Variants in MAGI2 observed in about 807,000 individuals in gnomAD.
MAGI2 encodes the protein membrane-associated guanylate kinase, WW and PDZ domain-containing protein 2.
In MAGI2, 35 loss-of-function variants were observed where a neutral mutation model predicts 133.3. That is an observed-to-expected ratio of 0.26 (90% CI 0.20 to 0.35). The LOEUF is 0.35. MAGI2 is among the 10% of genes least tolerant of loss of function. The pLI is 1.00. For synonymous variants in MAGI2, 729 were observed against 710.6 expected, an observed-to-expected ratio of 1.03 and a Z score of -0.41; for missense variants, 1,636 against 1,863.4, an observed-to-expected ratio of 0.88 and a Z score of 2.25.
intron 3 of MAGI2, among the ~76,000 whole-genome samples, chr7:78,611,300 T>G (rs1806414181): frequency 6.6e-6 from 1 of 152,222 alleles, no homozygotes. Context: ...TTCTTCTTTT[T>G]CCTTGTTTCA....
intron 2 of MAGI2, 34 bp downstream of exon 2, chr7:79,007,056 A>G (rs771353897): frequency 7.2e-7 from 1 of 1,388,818 alleles, no homozygotes; most frequent in Admixed American, 2.2e-5. Flanking sequence ...TTATCTCTCA[A>G]CATAAAAATA....
At chr7:79,265,910 T>C (rs553353953) in intron 1 of MAGI2, among the ~76,000 whole-genome samples, 1 of 152,316 alleles carries the variant, frequency 6.6e-6, no homozygotes, top group South Asian at 2.1e-4. Flanking sequence ...CAGTGTTTGT[T>C]TTCTATTTTG....
chr7:78,487,022 T>C (rs1016051639), intron 6 of MAGI2: 27 of 515,240 alleles, frequency 5.2e-5, no homozygotes, highest in Middle Eastern at 3.9e-4. Flanking sequence ...AAGAGAAATG[T>C]AACCAACGAA....
At chr7:78,896,063 T>C (rs1453592492) in intron 2 of MAGI2, among the ~76,000 whole-genome samples, 2 of 152,220 alleles carry the variant, frequency 1.3e-5, no homozygotes, top group African/African-American at 4.8e-5. Context: ...CAATAAGAAC[T>C]AACTTCTCAA....
At chr7:79,033,313 T>G (rs1318542228) in intron 1 of MAGI2, among the ~76,000 whole-genome samples, 1 of 152,206 alleles carries the variant, frequency 6.6e-6, no homozygotes, top group African/African-American at 2.4e-5. Flanking sequence ...TTTACACCAT[T>G]TGGTCACCTA....
At chr7:79,238,518 T>C (rs1430312814) in intron 1 of MAGI2, among the ~76,000 whole-genome samples, 1 of 152,106 alleles carries the variant, frequency 6.6e-6, no homozygotes, top group African/African-American at 2.4e-5. Context: ...AAGCATATCG[T>C]TTGGATAAAC....
At chr7:78,788,515 T>C (rs1827015439) in intron 2 of MAGI2, among the ~76,000 whole-genome samples, 1 of 152,150 alleles carries the variant, frequency 6.6e-6, no homozygotes, top group Admixed American at 6.5e-5. Flanking sequence ...TGACTGCCCT[T>C]TTTCTCTAAT....
intron 2 of MAGI2, among the ~76,000 whole-genome samples, chr7:78,633,838 G>A (rs2150971155): frequency 6.6e-6 from 1 of 151,766 alleles, no homozygotes; most frequent in Admixed American, 6.6e-5. Flanking sequence ...TATGATTCTA[G>A]ATAAAAACAG....
At chr7:79,103,371 C>A (rs2129543395) in intron 1 of MAGI2, among the ~76,000 whole-genome samples, 1 of 152,214 alleles carries the variant, frequency 6.6e-6, no homozygotes. Context: ...CCAGGGTAAT[C>A]CATACACTGG....
chr7:79,294,721 C>CTTTTTTTTTTTTTTTTT (rs1161010284), intron 1 of MAGI2, among the ~76,000 whole-genome samples: 3 of 83,168 alleles, frequency 3.6e-5, no homozygotes, highest in East Asian at 3.8e-4. Context: ...ATTTTGGTAG[C>CTTTTTTTTTTTTTTTTT]TTTTTTTTTT....
At chr7:78,899,966 AT>A (rs1391164485) in intron 2 of MAGI2, among the ~76,000 whole-genome samples, 3 of 152,328 alleles carry the variant, frequency 2.0e-5, no homozygotes, top group African/African-American at 7.2e-5. Context: ...ACCATTTAAA[AT>A]TTTTATCACA....
chr7:78,822,504 T>C (rs1790216496), intron 2 of MAGI2, among the ~76,000 whole-genome samples: 1 of 152,246 alleles, frequency 6.6e-6, no homozygotes, highest in South Asian at 2.1e-4. Flanking sequence ...TTTGCTCATG[T>C]GGGTGTTGTT....
At chr7:79,316,895 C>T (rs150978190) in intron 1 of MAGI2, among the ~76,000 whole-genome samples, 2,410 of 151,872 alleles carry the variant, frequency 0.016, 25 homozygotes, top group Non-Finnish European at 0.027. Flanking sequence ...AAATAACTTG[C>T]CCAGGGCCAG....
rs1031709806 is a variant in MAGI2 at position 78,201,300 on chromosome 7, G to A, written c.2048-107C>T. ...AATTGATTTTAAATTAGTTAACAGC[G>A]AACAATAACAAAAACTTCTGCCTGG... On this transcript the variant is annotated intron_variant, in intron 10 of 21. Coordinates refer to ENST00000354212, the MANE Select transcript of MAGI2 (RefSeq NM_012301.4). The A allele has an allele frequency of 1.9e-5, 10 of 535,464 alleles. No homozygotes were observed. The Admixed American group carries it at 2.2e-4, about 12-fold the overall frequency. The allele number at this position is 535,464 out of a possible 1,614,324, so 33.2% of individuals were successfully genotyped here.
chr7:78,109,283 G>A (rs1298488171), intron 20 of MAGI2, among the ~76,000 whole-genome samples: 2 of 102,256 alleles, frequency 2.0e-5, no homozygotes, highest in African/African-American at 4.1e-5. Context: ...CAGCCTGGGC[G>A]ACAGAGCAAG....
intron 3 of MAGI2, among the ~76,000 whole-genome samples, chr7:78,590,095 A>G (rs7812172): frequency 0.027 from 4,163 of 152,240 alleles, 174 homozygotes; most frequent in South Asian, 0.16. Context: ...TTGAAATTAT[A>G]TTTTTCTTTC....
intron 1 of MAGI2, among the ~76,000 whole-genome samples, chr7:79,311,883 C>A (rs1838319703): frequency 6.6e-6 from 1 of 152,140 alleles, no homozygotes; most frequent in East Asian, 1.9e-4. Flanking sequence ...TGCCTTCTCT[C>A]TTTTTGTCAT....
chr7:79,251,245 T>C (rs929445435), intron 1 of MAGI2, among the ~76,000 whole-genome samples: 5 of 151,820 alleles, frequency 3.3e-5, no homozygotes, highest in Admixed American at 3.3e-4. Context: ...TGGGATCCCA[T>C]CAAGTAAAAA....
chr7:78,136,107 T>C (rs1822091134), intron 16 of MAGI2, among the ~76,000 whole-genome samples: 1 of 142,808 alleles, frequency 7.0e-6, no homozygotes, highest in Non-Finnish European at 1.5e-5. Context: ...ACACTTCTTT[T>C]CTTTCTTTCT....
Sources: gnomAD v4.1 joint callset for allele counts (sites outside exome capture counted in the v4.1 genomes callset) on GRCh38, gnomAD v4.1.1 for gene constraint, MANE v1.5 for transcripts, NCBI Gene and HGNC (gene_info 2026-07-23, HGNC 2026-07-21) for gene names.